The following ABCC8 variants were observed in gnomAD, a reference collection of about 807,000 sequenced individuals.
ABCC8 encodes the protein ATP binding cassette subfamily C member 8, also known as ATP-binding cassette sub-family C member 8.
Under a neutral mutation model 188.0 loss-of-function variants are expected in ABCC8, and 137 were observed. The observed-to-expected ratio is 0.73, with a 90% CI of 0.63 to 0.84. ABCC8 has a LOEUF of 0.84. Ranked by LOEUF, ABCC8 falls within the 40% of genes least tolerant of loss-of-function variation. The pLI is 0.00. For missense variants in ABCC8, 1,750 were observed against 2,072.7 expected (o/e 0.84, Z 3.02); for synonymous variants, 797 against 846.5 (o/e 0.94, Z 1.01).
At position 17,404,380 on chromosome 11, in the gene ABCC8, C is replaced by A; in HGVS notation, c.3557+132G>T. The A allele has an allele frequency of 1.0e-6, 1 of 972,362 alleles. No individual in the cohort carries two copies. The highest frequency in any genetic ancestry group is 1.7e-6 in the Non-Finnish European group (1 of 604,406). The allele number at this position is 972,362 out of a possible 1,614,324, so 60.2% of individuals were successfully genotyped here. A position where few individuals can be genotyped will look rare whatever the true frequency, so the allele number is the denominator to read the frequency against. On this transcript the variant is annotated intron_variant, in intron 28 of 38. Transcript: ENST00000389817. This position sits in a 1 kb window ranked among gnomAD's most constrained non-coding sequence, Gnocchi z 4.7. The stretch of plus-strand genomic sequence containing the variant: ...AATAAGATGTGGATATTTCTATTTC[C>A]TTCATTTCTGTTTTTTGTTTTTATT...
chr11:17,414,213 C>A (rs983647568), intron 19 of ABCC8, among the ~76,000 whole-genome samples: 1 of 152,188 alleles, frequency 6.6e-6, no homozygotes, highest in Non-Finnish European at 1.5e-5. Context: ...AGGAGCCAGG[C>A]GAATGGAGAC....
At chr11:17,412,838 G>A in intron 20 of ABCC8, 92 bp from the exon 21 acceptor site, 2 of 1,549,332 alleles carry the variant, frequency 1.3e-6, no homozygotes, top group South Asian at 2.4e-5. Flanking sequence ...TTGGGATGGA[G>A]GCCTGGCTCT....
intron 8 of ABCC8, among the ~76,000 whole-genome samples, chr11:17,447,727 G>A (rs1956592899): frequency 6.6e-6 from 1 of 152,176 alleles, no homozygotes; most frequent in Non-Finnish European, 1.5e-5. Flanking sequence ...CAGCCTCTGA[G>A]TAGCTGGGGC....
At chr11:17,432,146 C>T in intron 11 of ABCC8, 58 bp downstream of exon 11, 1 of 1,549,698 alleles carries the variant, frequency 6.5e-7, no homozygotes, top group Non-Finnish European at 8.7e-7. Context: ...CAGCCTGTCA[C>T]TGCAGACGCC....
At chr11:17,436,161 T>C (rs1277898665) in intron 10 of ABCC8, 2 of 749,520 alleles carry the variant, frequency 2.7e-6, no homozygotes, top group Admixed American at 3.5e-5. Flanking sequence ...AACCAACATG[T>C]CTCAGCAAGA....
At chr11:17,402,803 G>T in intron 28 of ABCC8, 50 bp from the exon 29 acceptor site, 1 of 1,607,546 alleles carries the variant, frequency 6.2e-7, no homozygotes, top group African/African-American at 1.3e-5. Context: ...CTCAGGGCTC[G>T]GCCTGGGCCT....
At chr11:17,445,257 T>C (rs1591838366) in intron 8 of ABCC8, among the ~76,000 whole-genome samples, 1 of 152,220 alleles carries the variant, frequency 6.6e-6, no homozygotes, top group Non-Finnish European at 1.5e-5. Flanking sequence ...CAAGCATTTA[T>C]TTTTCTGAGA....
intron 16 of ABCC8, among the ~76,000 whole-genome samples, chr11:17,420,096 C>G (rs1335984791): frequency 6.6e-6 from 1 of 152,076 alleles, no homozygotes. Context: ...CATTTAAGAC[C>G]CCGGCAATAA....
At chr11:17,456,825 A>C (rs1194663500) in intron 6 of ABCC8, among the ~76,000 whole-genome samples, 2 of 152,220 alleles carry the variant, frequency 1.3e-5, no homozygotes, top group African/African-American at 4.8e-5. Context: ...AAAAAACAGT[A>C]AGTGTAAGCA....
At chr11:17,440,675 C>A (rs895338074) in intron 10 of ABCC8, among the ~76,000 whole-genome samples, 2 of 152,236 alleles carry the variant, frequency 1.3e-5, no homozygotes, top group African/African-American at 4.8e-5. Context: ...TGGCTTGCAC[C>A]ATGTATGGCA....
intron 3 of ABCC8, among the ~76,000 whole-genome samples, chr11:17,465,013 G>T (rs539136093): frequency 6.6e-6 from 1 of 152,368 alleles, no homozygotes; most frequent in South Asian, 2.1e-4. Context: ...AGGTTGAGAT[G>T]TTGGGCCCCA....
intron 16 of ABCC8, among the ~76,000 whole-genome samples, chr11:17,422,119 T>C (rs1165168614): frequency 6.6e-6 from 1 of 152,138 alleles, no homozygotes; most frequent in East Asian, 1.9e-4. Flanking sequence ...AGGTGTGGAG[T>C]TCCTGCCAGT....
rs149331388 is a variant in ABCC8, at chr11:17,396,984, C to T, written c.4051G>A (p.Val1351Met). 11 of 1,614,104 alleles carry T rather than the reference C, an allele frequency of 6.8e-6. No individual in the cohort carries two copies. Among genetic ancestry groups the T allele is most frequent in the South Asian group, 1.1e-5 (1 of 91,092 alleles). The change falls in exon 33 of 39, where the codon GTG becomes ATG. Residue 1351 changes from valine to methionine, a missense_variant. Physicochemically the swap from Val to Met is conservative, Grantham distance 21. Transcript: ENST00000389817. ...QGKIQIQNLSVRYDSSLKPVL... is the reference protein window; with the variant it reads ...QGKIQIQNLSMRYDSSLKPVL... ...GGCTTCAGGGAGCTGTCGTAGCGCACGCTCAGGTTCTGGATCTGGATCTTC... is the reference window on the plus strand; with the variant it reads ...GGCTTCAGGGAGCTGTCGTAGCGCATGCTCAGGTTCTGGATCTGGATCTTC...
intron 13 of ABCC8, 58 bp from the exon 14 acceptor site, chr11:17,428,463 C>G: frequency 6.2e-7 from 1 of 1,602,470 alleles, no homozygotes; most frequent in Non-Finnish European, 8.5e-7. Flanking sequence ...GGGAAGGGAG[C>G]CCCTCTTCCT....
At chr11:17,428,245 G>A in intron 14 of ABCC8, 44 bp downstream of exon 14, 2 of 1,613,176 alleles carry the variant, frequency 1.2e-6, no homozygotes, top group Non-Finnish European at 1.7e-6. Flanking sequence ...AGCTCCCTCT[G>A]GGAGTTGGTG....
intron 19 of ABCC8, 80 bp downstream of exon 19, chr11:17,414,432 G>T: frequency 6.4e-7 from 1 of 1,568,818 alleles, no homozygotes; most frequent in Non-Finnish European, 8.8e-7. Context: ...GGTGATCGAT[G>T]GAGGGGCCCG....
chr11:17,437,342 C>A (rs1404858343), intron 10 of ABCC8, among the ~76,000 whole-genome samples: 4 of 152,224 alleles, frequency 2.6e-5, no homozygotes, highest in Admixed American at 2.6e-4. Flanking sequence ...CTTATGGGCA[C>A]CAGCCTGGCA....
chr11:17,402,397 G>C (rs2133429306), intron 29 of ABCC8, among the ~76,000 whole-genome samples: 1 of 152,312 alleles, frequency 6.6e-6, no homozygotes, highest in South Asian at 2.1e-4. Flanking sequence ...ACTTGTCCCA[G>C]CTTTGTCTCT....
intron 8 of ABCC8, 37 bp from the exon 9 acceptor site, chr11:17,443,349 G>T (rs1010686404): frequency 6.2e-7 from 1 of 1,613,528 alleles, no homozygotes; most frequent in African/African-American, 1.3e-5. Flanking sequence ...CCTTTGACCT[G>T]ATGGTTGCCC....
Sources: gnomAD v4.1 joint callset for allele counts (sites outside exome capture counted in the v4.1 genomes callset) on GRCh38, gnomAD v4.1.1 for gene constraint, Gnocchi (gnomAD v3.1) non-coding constraint, MANE v1.5 for transcripts, NCBI Gene and HGNC (gene_info 2026-07-23, HGNC 2026-07-21) for gene names.